Variants in EYS observed in about 807,000 individuals in gnomAD.
EYS encodes EGF-like photoreceptor maintenance factor.
A neutral mutation model predicts 282.1 loss-of-function variants in EYS; 250 were observed. The observed-to-expected ratio is 0.89, with a 90% CI of 0.80 to 0.98. The LOEUF is 0.98. Among genes scored for constraint, EYS ranks in the 50% least tolerant of loss-of-function variants. The pLI, the probability that EYS is intolerant of heterozygous loss-of-function variation, is 0.00. For missense variants in EYS, 4,016 were observed against 3,709.0 expected (o/e 1.08, Z -2.15); for synonymous variants, 1,355 against 1,282.9 (o/e 1.06, Z -1.20).
At chr6:65,298,366 A>T (rs1383500077) in intron 11 of EYS, among the ~76,000 whole-genome samples, 1 of 152,086 alleles carries the variant, frequency 6.6e-6, no homozygotes, top group Non-Finnish European at 1.5e-5. Flanking sequence ...GACACCTTTT[A>T]TTAAGAGGAA....
chr6:63,934,961 T>C (rs1028398909), intron 35 of EYS, among the ~76,000 whole-genome samples: 3 of 152,192 alleles, frequency 2.0e-5, no homozygotes, highest in Admixed American at 1.3e-4. Context: ...GCTTTTTTTC[T>C]GAGCTCTTCC....
chr6:64,643,381 C>T (rs1768241054), intron 22 of EYS, among the ~76,000 whole-genome samples: 1 of 152,060 alleles, frequency 6.6e-6, no homozygotes, highest in South Asian at 2.1e-4. Context: ...TGTCCTGGGC[C>T]AAAAACATGA....
At chr6:65,006,093 T>TAA (rs1771642323) in intron 13 of EYS, among the ~76,000 whole-genome samples, 1 of 152,114 alleles carries the variant, frequency 6.6e-6, no homozygotes, top group African/African-American at 2.4e-5. Context: ...TTATCCCTGT[T>TAA]ATCCCTCCTG....
At chr6:65,142,045 A>C (rs1173247616) in intron 12 of EYS, among the ~76,000 whole-genome samples, 5 of 152,052 alleles carry the variant, frequency 3.3e-5, no homozygotes, top group Admixed American at 1.3e-4. Context: ...CATTAACTAC[A>C]GTCCTCATGT....
At position 64,883,458 on chromosome 6, in the gene EYS, A is replaced by G. The variant is rs547254313; in HGVS notation, c.2992+3239T>C. On this transcript the variant is annotated intron_variant, in intron 19 of 42. Transcript: ENST00000503581. ...TTCTAGTAGATATATAAATATTAAT[A>G]TAGATATAAACACAAATGTAGACAT... Among the ~76,000 whole-genome samples the G allele has an allele frequency of 9.2e-5, 14 of 151,428 alleles. No individual in the cohort carries two copies. In the South Asian group the frequency reaches 2.7e-3, roughly 29 times the overall value.
At chr6:64,873,916 G>A (rs942129) in intron 19 of EYS, among the ~76,000 whole-genome samples, 79,844 of 151,706 alleles carry the variant, frequency 0.53, 21,564 homozygotes, top group Admixed American at 0.59. Flanking sequence ...TTAGGGCCAA[G>A]ATTTCAAATT....
chr6:64,199,486 C>G (rs144374450), intron 31 of EYS, among the ~76,000 whole-genome samples: 22 of 152,034 alleles, frequency 1.4e-4, no homozygotes, highest in African/African-American at 4.8e-4. Context: ...AGAAGGAAAC[C>G]TAGGCAATAC....
At chr6:64,686,733 T>G (rs1340773611) in intron 22 of EYS, among the ~76,000 whole-genome samples, 2 of 127,342 alleles carry the variant, frequency 1.6e-5, no homozygotes, top group East Asian at 4.3e-4. Flanking sequence ...CAGAGCAAGA[T>G]TCCATCTAAA....
intron 22 of EYS, among the ~76,000 whole-genome samples, chr6:64,658,556 C>T (rs4348299): frequency 0.64 from 97,194 of 151,916 alleles, 31,305 homozygotes; most frequent in African/African-American, 0.71. Context: ...TTCTGTTTGT[C>T]AGTTTTTCTT....
At chr6:65,216,551 C>T (rs1479510042) in intron 12 of EYS, among the ~76,000 whole-genome samples, 1 of 151,550 alleles carries the variant, frequency 6.6e-6, no homozygotes, top group Non-Finnish European at 1.5e-5. Flanking sequence ...CACTAGTTTG[C>T]TATTGTGGTT....
At chr6:63,980,703 G>A (rs950122930) in intron 35 of EYS, among the ~76,000 whole-genome samples, 3 of 151,778 alleles carry the variant, frequency 2.0e-5, no homozygotes, top group African/African-American at 7.3e-5. Context: ...TTCTTCTTTT[G>A]AGAAAATAGG....
chr6:64,151,724 T>C (rs1234916340), intron 31 of EYS, among the ~76,000 whole-genome samples: 1 of 152,146 alleles, frequency 6.6e-6, no homozygotes, highest in East Asian at 1.9e-4. Context: ...ACTATATACT[T>C]GTATTTCAAA....
chr6:64,617,642 A>G, intron 23 of EYS, 109 bp from the exon 24 acceptor site: 1 of 687,686 alleles, frequency 1.5e-6, no homozygotes, highest in Non-Finnish European at 2.6e-6. Context: ...ATTATGCTAG[A>G]TGTTTTGTAC....
In EYS at chr6:64,627,798, G is replaced by C. The variant is rs555912157; in HGVS notation, c.3444-1553C>G. On this transcript the variant is annotated intron_variant, in intron 22 of 42. Coordinates refer to ENST00000503581, the MANE Select transcript of EYS (RefSeq NM_001142800.2). ...CAACAAACAATAAGACTTGCTTTAG[G>C]GCCGGGGGCGGTGGCTCACGCCTGT... Among the ~76,000 whole-genome samples, 368 of 152,256 alleles carry C rather than the reference G, an allele frequency of 2.4e-3. 2 individuals carry two copies. Among genetic ancestry groups the C allele is most frequent in the African/African-American group, 8.3e-3 (345 of 41,554 alleles).
In EYS at chr6:64,295,507, GAAGAAAGAAGA is replaced by G. The variant is rs1252480813; in HGVS notation, c.6191+11452_6191+11462del. Reference sequence around the variant, plus strand: ...AAGAAGAAGAAGAAGAAAGAAGAAAGAAGAAAGAAGAAAGAAGAAAGAAGAAGAAAGAAGAA... The same window carrying G: ...AAGAAGAAGAAGAAGAAAGAAGAAAGAAGAAGAAAGAAGAAGAAAGAAGAA... On this transcript the variant is annotated intron_variant, in intron 30 of 42. Coordinates refer to ENST00000503581, the MANE Select transcript of EYS (RefSeq NM_001142800.2). Among the ~76,000 whole-genome samples the G allele has an allele frequency of 1.1e-3, 28 of 25,502 alleles. 6 individuals are homozygous for G. The highest frequency in any genetic ancestry group is 7.6e-3 in the African/African-American group (27 of 3,574). 16.7% of individuals were successfully genotyped at this position (25,502 alleles called of 152,430 possible).
chr6:64,029,395 T>C (rs538589862), intron 33 of EYS, among the ~76,000 whole-genome samples: 3 of 152,284 alleles, frequency 2.0e-5, no homozygotes, highest in South Asian at 2.1e-4. Flanking sequence ...GGAAAAGATC[T>C]CACTGTCTGG....
intron 12 of EYS, among the ~76,000 whole-genome samples, chr6:65,169,987 T>G (rs1765066384): frequency 6.6e-6 from 1 of 151,588 alleles, no homozygotes; most frequent in African/African-American, 2.4e-5. Flanking sequence ...AAGCACAGAT[T>G]ATTGTAGTGC....
chr6:64,535,216 C>A (rs1248107108), intron 26 of EYS, among the ~76,000 whole-genome samples: 21 of 152,104 alleles, frequency 1.4e-4, no homozygotes. Context: ...AACAAAAATT[C>A]TTTTTAAGTC....
chr6:63,995,152 T>G (rs1307282327), intron 34 of EYS, among the ~76,000 whole-genome samples: 1 of 151,872 alleles, frequency 6.6e-6, no homozygotes, highest in Non-Finnish European at 1.5e-5. Flanking sequence ...CCAAAACATA[T>G]AAGGAATTTC....
Sources: allele counts gnomAD v4.1 joint callset (sites outside exome capture counted in the v4.1 genomes callset), GRCh38; gene constraint gnomAD v4.1.1; transcripts MANE v1.5; gene names NCBI Gene and HGNC (gene_info 2026-07-23, HGNC 2026-07-21).